PABPC1L: variants seen among roughly 807,000 people sequenced by gnomAD.
PABPC1L encodes the protein polyadenylate-binding protein 1-like.
A neutral mutation model predicts 66.6 loss-of-function variants in PABPC1L; 31 were observed. That is an observed-to-expected ratio of 0.47 (90% CI 0.35 to 0.63). The LOEUF (loss-of-function observed/expected upper bound fraction) is 0.63. Ranked by LOEUF, PABPC1L falls within the 20% of genes least tolerant of loss-of-function variation. The pLI, the probability that PABPC1L is intolerant of heterozygous loss-of-function variation, is 0.00. For synonymous variants in PABPC1L, 348 were observed against 335.1 expected, an observed-to-expected ratio of 1.04 and a Z score of -0.42; for missense variants, 722 against 848.8, an observed-to-expected ratio of 0.85 and a Z score of 1.86.
intron 5 of PABPC1L, among the ~76,000 whole-genome samples, chr20:44,921,051 G>C (rs992431687): frequency 6.6e-6 from 1 of 151,796 alleles, no homozygotes; most frequent in African/African-American, 2.4e-5. Flanking sequence ...GACCTCAAGT[G>C]ATCCAACCGC....
intron 7 of PABPC1L, among the ~76,000 whole-genome samples, chr20:44,925,557 T>C (rs570877803): frequency 6.6e-6 from 1 of 152,216 alleles, no homozygotes; most frequent in South Asian, 2.1e-4. Flanking sequence ...AAGAGATCAG[T>C]GTGAGTGACA....
chr20:44,912,848 T>G lies in PABPC1L; in HGVS notation c.382T>G (p.Cys128Gly), dbSNP rs762918391. The G allele has an allele frequency of 6.2e-7, 1 of 1,613,548 alleles. No individual in the cohort carries two copies. Among genetic ancestry groups the G allele is most frequent in the Non-Finnish European group, 8.5e-7 (1 of 1,179,540 alleles). The stretch of plus-strand genomic sequence containing the variant: ...CTCCACCTTTGGGAACATCCTCTCT[T>G]GCAAGGTAGAGGATGAAGGGTGTAC... ...TFSTFGNILS[C>G]KVACDEHGSR... The change falls in exon 2 of 15, where the codon TGC (cysteine) becomes GGC (glycine). Residue 128 changes from cysteine to glycine, a missense_variant. Physicochemically the swap from Cys to Gly is radical, Grantham distance 159. This residue lies in a region of PABPC1L where 284 missense variants were observed against 294.8 expected (regional missense o/e 0.96). Transcript: ENST00000217073.
intron 7 of PABPC1L, among the ~76,000 whole-genome samples, chr20:44,927,086 G>T (rs889838087): frequency 6.6e-5 from 10 of 151,418 alleles, no homozygotes; most frequent in African/African-American, 2.4e-4. Flanking sequence ...GAGTCTTGCT[G>T]TGTTGTCCAG....
rs74544121 is a variant in PABPC1L at position 44,918,530 on chromosome 20, G to A, written c.504-376G>A. 5.2e-3 allele frequency among the ~76,000 whole-genome samples: 788 copies of A among 152,262 alleles called. 5 individuals are homozygous for A. The highest frequency in any genetic ancestry group is 0.016 in the African/African-American group (683 of 41,526). ...AGCAATGAACTCTGAGGCTCAGAGA[G>A]GTTAAGTAGCTTGCCCAGGGTCACA... On this transcript the variant is annotated intron_variant, in intron 3 of 14. Transcript: ENST00000217073.
chr20:44,934,680 T>C (rs946135953), intron 10 of PABPC1L, among the ~76,000 whole-genome samples: 16 of 152,238 alleles, frequency 1.1e-4, no homozygotes, highest in African/African-American at 3.9e-4. Context: ...CTAAATAATA[T>C]TCCATTGTAT....
chr20:44,929,736 A>G (rs1568648854), intron 7 of PABPC1L, among the ~76,000 whole-genome samples: 1 of 151,604 alleles, frequency 6.6e-6, no homozygotes, highest in Non-Finnish European at 1.5e-5. Flanking sequence ...CTGAGGTTGC[A>G]GTTAGCCGAG....
Position 44,919,061 on chromosome 20 carries a change from A to C in PABPC1L, c.643+16A>C, listed in dbSNP as rs568746463. On this transcript the variant is annotated intron_variant, in intron 4 of 14. Coordinates refer to ENST00000217073, the MANE Select transcript of PABPC1L (RefSeq NM_001372179.1). ...TCCCAGTTTGGTGGGTGTGTCCCCA[A>C]GGGAGCGGGGGGATCACTGTTTTTC... 7 of 1,611,266 alleles carry C rather than the reference A, an allele frequency of 4.3e-6. No individual in the cohort carries two copies. Among genetic ancestry groups the C allele is most frequent in the Middle Eastern group, 1.7e-4 (1 of 6,050 alleles).
At chr20:44,920,896 T>C (rs954470949) in intron 5 of PABPC1L, among the ~76,000 whole-genome samples, 1 of 152,006 alleles carries the variant, frequency 6.6e-6, no homozygotes, top group African/African-American at 2.4e-5. Context: ...CACTGCAACC[T>C]CCACCTCCCA....
rs769520283 is a variant in PABPC1L at position 44,939,250 on chromosome 20, A to G, written c.*131A>G. The G allele has an allele frequency of 1.4e-6, 1 of 717,126 alleles. No individual in the cohort carries two copies. The highest frequency in any genetic ancestry group is 1.5e-5 in the South Asian group (1 of 67,532). The allele number at this position is 717,126 out of a possible 1,614,324, so 44.4% of individuals were successfully genotyped here. On this transcript the variant is annotated 3_prime_UTR_variant, in exon 15 of 15. Transcript: ENST00000217073. ...ATCTATACTTGGGCTCTGTATGTGA[A>G]TGAAGGTTGGTCACCCATCCAGCCT...
intron 2 of PABPC1L, 112 bp from the exon 3 acceptor site, chr20:44,916,644 G>A (rs978476834): frequency 2.2e-5 from 21 of 956,966 alleles, no homozygotes; most frequent in African/African-American, 3.2e-5. Flanking sequence ...ATGCAGGATT[G>A]CCTTTTCCAG....
chr20:44,913,097 A>G (rs1237126207), intron 2 of PABPC1L, among the ~76,000 whole-genome samples: 1 of 152,186 alleles, frequency 6.6e-6, no homozygotes, highest in African/African-American at 2.4e-5. Flanking sequence ...GTCAACAACA[A>G]TCATTTATTT....
At chr20:44,918,436 C>T (rs1455155179) in intron 3 of PABPC1L, among the ~76,000 whole-genome samples, 4 of 152,232 alleles carry the variant, frequency 2.6e-5, no homozygotes, top group African/African-American at 9.6e-5. Flanking sequence ...CTTACCCCTG[C>T]TTCCCCAGTG....
chr20:44,927,519 T>G (rs932756722), intron 7 of PABPC1L, among the ~76,000 whole-genome samples: 11 of 151,960 alleles, frequency 7.2e-5, no homozygotes, highest in Admixed American at 3.9e-4. Context: ...AGCTAATTTT[T>G]TGTATTTTTA....
intron 11 of PABPC1L, among the ~76,000 whole-genome samples, chr20:44,935,777 A>T (rs1434745056): frequency 6.6e-6 from 1 of 152,220 alleles, no homozygotes; most frequent in Non-Finnish European, 1.5e-5. Context: ...TTCTAAGAAT[A>T]TGCTGATTAT....
At chr20:44,932,997 C>A in intron 9 of PABPC1L, 60 bp from the exon 10 acceptor site, 1 of 1,178,766 alleles carries the variant, frequency 8.5e-7, no homozygotes. Flanking sequence ...CAGTGTGCCA[C>A]CCTGATTATT....
chr20:44,930,798 G>A lies in PABPC1L; in HGVS notation c.1239+72G>A, dbSNP rs2066847264. 23 of 1,534,984 alleles carry A rather than the reference G, an allele frequency of 1.5e-5. No individual in the cohort carries two copies. The South Asian group carries it at 2.8e-4, about 18-fold the overall frequency. On this transcript the variant is annotated intron_variant, in intron 8 of 14. Coordinates refer to ENST00000217073, the MANE Select transcript of PABPC1L (RefSeq NM_001372179.1). ...AGCAAGGCAGAGCATGAAGACTAGA[G>A]TTCTAGGGAAATGGAGGTTTCTAAC... is the stretch of plus-strand genomic sequence containing the variant.
intron 8 of PABPC1L, 178 bp from the exon 9 acceptor site, chr20:44,932,164 A>C: frequency 2.3e-6 from 1 of 442,528 alleles, no homozygotes; most frequent in African/African-American, 2.0e-5. Flanking sequence ...TGCAGGATTC[A>C]GGGCTAATGG....
intron 10 of PABPC1L, 66 bp downstream of exon 10, chr20:44,933,251 C>A: frequency 2.2e-6 from 3 of 1,333,816 alleles, no homozygotes; most frequent in Non-Finnish European, 3.2e-6. Context: ...TCAGGACCAG[C>A]CTCCATGGTG....
rs143592726 is a variant in PABPC1L, at chr20:44,910,353, G to A, written c.193+17G>A. The A allele has an allele frequency of 8.9e-3, 13,109 of 1,481,140 alleles. 71 individuals are homozygous for A. Among genetic ancestry groups the A allele is most frequent in the Non-Finnish European group, 0.011 (11,859 of 1,107,964 alleles). 91.7% of individuals were successfully genotyped at this position (1,481,140 alleles called of 1,614,324 possible). A position where few individuals can be genotyped will look rare whatever the true frequency, so the allele number is the denominator to read the frequency against. ...CCGCGGACGGTGAGCCCCGGGGATG[G>A]GGCGGGAGGGGAAGGACCGACGGAC... On this transcript the variant is annotated intron_variant, in intron 1 of 14. Transcript: ENST00000217073.
Sources: gnomAD v4.1 joint callset for allele counts (sites outside exome capture counted in the v4.1 genomes callset) on GRCh38, gnomAD v4.1.1 for gene constraint, gnomAD v4.1.1 regional missense constraint, MANE v1.5 for transcripts, NCBI Gene and HGNC (gene_info 2026-07-23, HGNC 2026-07-21) for gene names.